EML4: variants seen among roughly 807,000 people sequenced by gnomAD.
The protein encoded by EML4 is echinoderm microtubule-associated protein-like 4.
EML4 carries 72 observed loss-of-function variants against 129.0 expected under a neutral mutation model. The ratio of observed to expected loss-of-function variants is 0.56; its 90% CI spans 0.46 to 0.68. EML4 has a LOEUF of 0.68. Among genes scored for constraint, EML4 ranks in the 30% least tolerant of loss-of-function variants. The pLI, the probability that EML4 is intolerant of heterozygous loss-of-function variation, is 0.00. For synonymous variants in EML4, 532 were observed against 405.0 expected (o/e 1.31, Z -3.77); for missense variants, 1,363 against 1,190.6 (o/e 1.14, Z -2.13).
intron 1 of EML4, among the ~76,000 whole-genome samples, chr2:42,219,841 A>T (rs565859235): frequency 6.6e-6 from 1 of 151,598 alleles, no homozygotes; most frequent in East Asian, 1.9e-4. Context: ...CAGGAGAATC[A>T]CTTGAACCTG....
intron 17 of EML4, among the ~76,000 whole-genome samples, chr2:42,314,227 C>T (rs536318178): frequency 6.6e-5 from 10 of 151,988 alleles, no homozygotes; most frequent in African/African-American, 2.2e-4. Flanking sequence ...GGTGTGGTGG[C>T]GCCCACCTGT....
chr2:42,325,583 A>ATATG (rs1273046075), intron 20 of EML4, 29 bp downstream of exon 20: 3 of 383,988 alleles, frequency 7.8e-6, no homozygotes, highest in Admixed American at 5.0e-5. Context: ...ATATATATAT[A>ATATG]TATATGCTAT....
At chr2:42,197,726 A>G (rs1671978004) in intron 1 of EML4, among the ~76,000 whole-genome samples, 1 of 152,246 alleles carries the variant, frequency 6.6e-6, no homozygotes, top group African/African-American at 2.4e-5. Flanking sequence ...AGAAGAAACC[A>G]GTAAACGTGT....
At chr2:42,292,271 C>A (rs984470397) in intron 11 of EML4, among the ~76,000 whole-genome samples, 1 of 152,182 alleles carries the variant, frequency 6.6e-6, no homozygotes, top group Admixed American at 6.5e-5. Context: ...TGCATGCTTT[C>A]TGGCCCAAAT....
intron 1 of EML4, among the ~76,000 whole-genome samples, chr2:42,219,924 T>TAA (rs56773943): frequency 6.5e-5 from 9 of 137,734 alleles, no homozygotes; most frequent in African/African-American, 2.4e-4. Context: ...AGACTCCATC[T>TAA]AAAAAAAAAA....
Position 42,261,202 on chromosome 2 carries a change from A to C in EML4, c.420A>C (p.Gln140His). The change falls in exon 4 of 23, where the codon CAA becomes CAC. Residue 140 changes from glutamine to histidine, a missense_variant. By Grantham distance (24) the Gln-to-His change is conservative. Transcript: ENST00000318522. ...EESHSNDQSP[Q>H]IRASPSPQPS... ...CTCATTCTAATGATCAAAGTCCACA[A>C]ATTCGAGCATCACCTTCTCCCCAGC... 1.9e-6 allele frequency: 3 copies of C among 1,614,018 alleles called. No individual in the cohort carries two copies. The highest frequency in any genetic ancestry group is 1.7e-6 in the Non-Finnish European group (2 of 1,179,960).
At chr2:42,259,028 G>A (rs1218990292) in intron 3 of EML4, among the ~76,000 whole-genome samples, 1 of 152,094 alleles carries the variant, frequency 6.6e-6, no homozygotes, top group Non-Finnish European at 1.5e-5. Flanking sequence ...AGGCGAATCA[G>A]CTGAGGTCAG....
intron 1 of EML4, among the ~76,000 whole-genome samples, chr2:42,197,234 C>T (rs945999075): frequency 2.6e-5 from 4 of 152,002 alleles, no homozygotes; most frequent in Admixed American, 6.6e-5. Flanking sequence ...GGCTAATTTT[C>T]GTATTGTTTT....
intron 1 of EML4, among the ~76,000 whole-genome samples, chr2:42,199,020 G>C (rs1273440920): frequency 6.6e-6 from 1 of 152,178 alleles, no homozygotes; most frequent in Admixed American, 6.5e-5. Context: ...TATCTTGGGG[G>C]TTTAGGCTGG....
chr2:42,213,371 C>T (rs1189798192), intron 1 of EML4, among the ~76,000 whole-genome samples: 1 of 152,098 alleles, frequency 6.6e-6, no homozygotes, highest in African/African-American at 2.4e-5. Context: ...TTCTTTTGCT[C>T]AGTATTATGT....
intron 1 of EML4, among the ~76,000 whole-genome samples, chr2:42,214,401 T>G (rs1262307110): frequency 2.0e-5 from 3 of 152,168 alleles, no homozygotes; most frequent in Admixed American, 2.0e-4. Context: ...TTCCTTTACT[T>G]TGTTTTCCTC....
At chr2:42,270,488 C>T (rs1457556369) in intron 6 of EML4, among the ~76,000 whole-genome samples, 2 of 152,098 alleles carry the variant, frequency 1.3e-5, no homozygotes, top group Non-Finnish European at 2.9e-5. Context: ...AATGCAGGTG[C>T]TTTTGTTCAG....
Position 42,331,921 on chromosome 2 carries a change from T to C in EML4, c.*1714T>C, listed in dbSNP as rs1670123481. On this transcript the variant is annotated 3_prime_UTR_variant, in exon 23 of 23. Transcript: ENST00000318522. ...TATAGGTATCTGTATATCTTTCCTT[T>C]TGTTTACAACTGTTAAAAAACCTCA... 4 of 216,230 alleles carry C rather than the reference T, an allele frequency of 1.8e-5. No homozygotes were observed. The South Asian group carries it at 5.6e-4, about 30-fold the overall frequency. 13.4% of individuals were successfully genotyped at this position (216,230 alleles called of 1,614,324 possible).
intron 1 of EML4, among the ~76,000 whole-genome samples, chr2:42,181,238 A>T (rs550021495): frequency 1.3e-5 from 2 of 152,294 alleles, no homozygotes; most frequent in African/African-American, 4.8e-5. Flanking sequence ...TCAGTTCTTC[A>T]TCAGACCTTC....
intron 19 of EML4, among the ~76,000 whole-genome samples, chr2:42,322,038 A>G (rs1669553406): frequency 6.6e-6 from 1 of 152,256 alleles, no homozygotes; most frequent in South Asian, 2.1e-4. Context: ...GATTAATAAA[A>G]TAGTTCTAGT....
At chr2:42,264,306 C>T (rs779197366) in intron 5 of EML4, among the ~76,000 whole-genome samples, 5 of 151,742 alleles carry the variant, frequency 3.3e-5, no homozygotes, top group Non-Finnish European at 7.4e-5. Context: ...TTTGTAAAGA[C>T]AGGGTTTTGC....
intron 1 of EML4, among the ~76,000 whole-genome samples, chr2:42,230,883 C>T (rs559850196): frequency 6.6e-6 from 1 of 152,314 alleles, no homozygotes; most frequent in South Asian, 2.1e-4. Context: ...TATTTTAGCC[C>T]TTCACATCTC....
chr2:42,294,280 A>T (rs1393840963), intron 11 of EML4, among the ~76,000 whole-genome samples: 1 of 152,248 alleles, frequency 6.6e-6, no homozygotes, highest in Middle Eastern at 3.2e-3. Flanking sequence ...GGAAAAGAGC[A>T]TAAAAGCCCT....
chr2:42,215,929 C>CT (rs1464091078), intron 1 of EML4, among the ~76,000 whole-genome samples: 40 of 148,168 alleles, frequency 2.7e-4, no homozygotes, highest in Middle Eastern at 3.4e-3. Context: ...TTTTTTTTTT[C>CT]TTTTTTTTTG....
Sources: allele counts gnomAD v4.1 joint callset (sites outside exome capture counted in the v4.1 genomes callset), GRCh38; gene constraint gnomAD v4.1.1; transcripts MANE v1.5; gene names NCBI Gene and HGNC (gene_info 2026-07-23, HGNC 2026-07-21).